Variants in CBLIF observed in about 807,000 individuals in gnomAD.
CBLIF encodes gastric intrinsic factor (vitamin B synthesis).
A neutral mutation model predicts 44.9 loss-of-function variants in CBLIF; 24 were observed. The observed-to-expected ratio is 0.53, with a 90% CI of 0.39 to 0.75. The LOEUF (loss-of-function observed/expected upper bound fraction) is 0.75, where lower values mean the gene tolerates loss of function less well. Among genes scored for constraint, CBLIF ranks in the 30% least tolerant of loss-of-function variants. CBLIF has a pLI of 0.00. For synonymous variants in CBLIF, 183 were observed against 190.9 expected (o/e 0.96, Z 0.34); for missense variants, 481 against 513.0 (o/e 0.94, Z 0.60).
chr11:59,844,372 A>T (rs1332856413), intron 1 of CBLIF, among the ~76,000 whole-genome samples: 1 of 152,124 alleles, frequency 6.6e-6, no homozygotes, highest in Non-Finnish European at 1.5e-5. Context: ...TTCTGACCTC[A>T]GGTAATCCAC....
chr11:59,842,003 G>A (rs977784289), intron 4 of CBLIF, among the ~76,000 whole-genome samples: 3 of 152,174 alleles, frequency 2.0e-5, no homozygotes, highest in Admixed American at 6.5e-5. Context: ...TTAGGGTTCC[G>A]AGAGTAGCTG....
intron 6 of CBLIF, among the ~76,000 whole-genome samples, chr11:59,836,396 A>AG (rs1866456938): frequency 6.6e-6 from 1 of 152,196 alleles, no homozygotes; most frequent in Non-Finnish European, 1.5e-5. Flanking sequence ...TTAAAAAAAA[A>AG]GAGTTTGAGG....
chr11:59,841,915 T>G (rs1157034486), intron 4 of CBLIF, among the ~76,000 whole-genome samples: 1 of 152,132 alleles, frequency 6.6e-6, no homozygotes, highest in Non-Finnish European at 1.5e-5. Flanking sequence ...GAAAAGCTTC[T>G]ATTCACAAGC....
intron 8 of CBLIF, among the ~76,000 whole-genome samples, chr11:59,830,130 A>G (rs929716989): frequency 6.6e-6 from 1 of 151,730 alleles, no homozygotes; most frequent in African/African-American, 2.4e-5. Context: ...AGGCCCAAAT[A>G]TTTTTGTTTC....
chr11:59,831,116 T>C (rs1866368018), intron 8 of CBLIF, among the ~76,000 whole-genome samples: 1 of 152,194 alleles, frequency 6.6e-6, no homozygotes. Context: ...CTCTTTAAAT[T>C]GGGGAATATT....
intron 7 of CBLIF, among the ~76,000 whole-genome samples, chr11:59,834,550 G>A (rs1866428795): frequency 6.6e-6 from 1 of 151,140 alleles, no homozygotes; most frequent in Non-Finnish European, 1.5e-5. Flanking sequence ...GCACCACCAC[G>A]CCTGGCTAAT....
chr11:59,834,288 CTTTCTTTCTTT>C (rs1565207471), intron 7 of CBLIF, among the ~76,000 whole-genome samples: 3 of 138,460 alleles, frequency 2.2e-5, no homozygotes, highest in African/African-American at 8.1e-5. Flanking sequence ...TTCTTTCTTT[CTTTCTTTCTTT>C]CTTTCTTTCT....
chr11:59,842,696 A>G (rs951642504), intron 3 of CBLIF, 113 bp from the exon 4 acceptor site: 3 of 1,018,690 alleles, frequency 2.9e-6, no homozygotes, highest in Non-Finnish European at 4.6e-6. Flanking sequence ...ACCTGCCCCC[A>G]AAGAGAGACA....
At chr11:59,835,377 G>T (rs530180185) in intron 7 of CBLIF, among the ~76,000 whole-genome samples, 5 of 151,762 alleles carry the variant, frequency 3.3e-5, no homozygotes, top group Admixed American at 2.6e-4. Context: ...AAGATGATCC[G>T]CATGCCTCAG....
In CBLIF at chr11:59,841,167, G is replaced by T; in HGVS notation, c.669C>A (p.Ile223=). 1 of 1,613,654 alleles carries T rather than the reference G, an allele frequency of 6.2e-7. No individual in the cohort carries two copies. Residue 223 remains isoleucine, a synonymous_variant, in exon 5 of 9, where the codon ATC becomes ATA. Coordinates refer to ENST00000257248, the MANE Select transcript of CBLIF (RefSeq NM_005142.3). The part of the protein sequence containing the change: ...KIKDNGIIGD[I]YSTGLAMQAL... ...CCTGCATGGCGAGGCCAGTACTGTAGATGTCTCCAATGATGCCATTATCTT... is the reference window on the plus strand; with the variant it reads ...CCTGCATGGCGAGGCCAGTACTGTATATGTCTCCAATGATGCCATTATCTT...
chr11:59,844,146 C>T, intron 1 of CBLIF, 91 bp from the exon 2 acceptor site: 2 of 993,972 alleles, frequency 2.0e-6, no homozygotes, highest in Admixed American at 2.0e-5. Context: ...TTCTTTCTTT[C>T]TTTTTTTTTT....
intron 7 of CBLIF, 129 bp downstream of exon 7, chr11:59,835,679 A>C (rs1299897888): frequency 1.7e-5 from 13 of 760,566 alleles, no homozygotes; most frequent in Non-Finnish European, 3.1e-5. Flanking sequence ...ATTAGATTGA[A>C]AGCTGCTCAA....
chr11:59,842,672 G>T, intron 3 of CBLIF, 89 bp from the exon 4 acceptor site: 2 of 1,337,344 alleles, frequency 1.5e-6, no homozygotes, highest in Middle Eastern at 1.9e-4. Context: ...CTTTGAAAAG[G>T]AAATTGCTAG....
chr11:59,834,002 T>C (rs2135085034), intron 7 of CBLIF, among the ~76,000 whole-genome samples: 1 of 152,348 alleles, frequency 6.6e-6, no homozygotes, highest in South Asian at 2.1e-4. Context: ...TATGTGATCT[T>C]AGGAATGTTA....
At chr11:59,840,860 TAAA>T (rs1866516684) in intron 5 of CBLIF, 4 of 311,526 alleles carry the variant, frequency 1.3e-5, no homozygotes, top group African/African-American at 2.1e-5. Flanking sequence ...TTATTAATAA[TAAA>T]TTAATATATT....
chr11:59,842,155 A>T (rs576274102), intron 4 of CBLIF, among the ~76,000 whole-genome samples: 1 of 152,298 alleles, frequency 6.6e-6, no homozygotes, highest in African/African-American at 2.4e-5. Context: ...AGAACTTCTG[A>T]CTTGAATGGC....
Position 59,837,191 on chromosome 11 carries a change from T to C in CBLIF, c.854A>G (p.Gln285Arg), listed in dbSNP as rs886048402. The change falls in exon 6 of 9, where the codon CAG (glutamine) becomes CGG (arginine). Residue 285 changes from glutamine (Q) to arginine (R), a missense_variant. Transcript: ENST00000257248. ...LKGKTYLDVP[Q>R]VTCSPDHEVQ... ...TGTCTTACCAGGACTACAAGTGACC[T>C]GGGGCACATCTAGGTATGTCTTGCC... 3.7e-5 allele frequency: 60 copies of C among 1,613,828 alleles called. No individual in the cohort carries two copies. Among genetic ancestry groups the C allele is most frequent in the Non-Finnish European group, 4.9e-5 (58 of 1,179,808 alleles).
chr11:59,835,147 CT>C (rs11307656), intron 7 of CBLIF, among the ~76,000 whole-genome samples: 25,508 of 141,100 alleles, frequency 0.18, 2,127 homozygotes, highest in Admixed American at 0.25. Flanking sequence ...ATTTCTTTTC[CT>C]TTTTTTTTTT....
intron 2 of CBLIF, among the ~76,000 whole-genome samples, chr11:59,843,457 A>G (rs1327313326): frequency 1.3e-5 from 2 of 152,200 alleles, no homozygotes; most frequent in African/African-American, 4.8e-5. Flanking sequence ...TTTAAACTTT[A>G]TCTAACTTGA....
Sources: allele counts gnomAD v4.1 joint callset (sites outside exome capture counted in the v4.1 genomes callset), GRCh38; gene constraint gnomAD v4.1.1; transcripts MANE v1.5; gene names NCBI Gene and HGNC (gene_info 2026-07-23, HGNC 2026-07-21).